The following GOT1 variants were observed in gnomAD, a reference collection of about 807,000 sequenced individuals.
GOT1 encodes the protein glutamic-oxaloacetic transaminase 1, also known as aspartate aminotransferase, cytoplasmic.
Under a neutral mutation model 48.2 loss-of-function variants are expected in GOT1, and 25 were observed. The ratio of observed to expected loss-of-function variants is 0.52; its 90% CI spans 0.38 to 0.72. The LOEUF (loss-of-function observed/expected upper bound fraction) is 0.72, where lower values mean the gene tolerates loss of function less well. GOT1 is among the 30% of genes least tolerant of loss of function. GOT1 has a pLI of 0.00. For synonymous variants in GOT1, 188 were observed against 193.8 expected, an observed-to-expected ratio of 0.97 and a Z score of 0.25; for missense variants, 380 against 520.1, an observed-to-expected ratio of 0.73 and a Z score of 2.62.
chr10:99,403,926 C>G (rs747552294), intron 5 of GOT1, 52 bp from the exon 6 acceptor site: 2 of 1,581,416 alleles, frequency 1.3e-6, no homozygotes, highest in Non-Finnish European at 1.7e-6. Context: ...GCACCAACCT[C>G]AGACACCGGC....
Position 99,403,589 on chromosome 10 carries a change from C to A in GOT1, c.839G>T (p.Ser280Ile). 6.2e-7 allele frequency: 1 copy of A among 1,614,112 alleles called. No individual in the cohort carries two copies. The highest frequency in any genetic ancestry group is 8.5e-7 in the Non-Finnish European group (1 of 1,179,994). Reference sequence around the variant, plus strand: ...CATCTGGGAAAGGACTTGCAGGATGCTCTCAGGTTCTTTTCCAACCACAGT... The same window carrying A: ...CATCTGGGAAAGGACTTGCAGGATGATCTCAGGTTCTTTTCCAACCACAGT... Reference protein sequence around the residue: ...NLTVVGKEPESILQVLSQMEK... With the variant: ...NLTVVGKEPEIILQVLSQMEK... The change falls in exon 7 of 9, where the codon AGC (serine) becomes ATC (isoleucine). Residue 280 changes from serine to isoleucine, a missense_variant. By Grantham distance (142) the Ser-to-Ile change is moderately radical (BLOSUM62 -2). Coordinates refer to ENST00000370508, the MANE Select transcript of GOT1 (RefSeq NM_002079.3).
intron 2 of GOT1, among the ~76,000 whole-genome samples, chr10:99,410,709 A>G (rs918690886): frequency 3.3e-5 from 5 of 152,242 alleles, no homozygotes; most frequent in African/African-American, 1.2e-4. Flanking sequence ...AATCAATAAT[A>G]TAGCAATGTG....
In GOT1 at chr10:99,397,506, A is replaced by G; in HGVS notation, c.*41T>C. On this transcript the variant is annotated 3_prime_UTR_variant, in exon 9 of 9. Coordinates refer to ENST00000370508, the MANE Select transcript of GOT1 (RefSeq NM_002079.3). This position sits in a 1 kb window ranked among gnomAD's most constrained non-coding sequence, Gnocchi z 5.4. ...TTTGTGCAGGCAGGGAACACACATG[A>G]CAGAGAACTACTTTGGTGGTACTGG... is the stretch of plus-strand genomic sequence containing the variant. The G allele has an allele frequency of 6.2e-7, 1 of 1,607,112 alleles. No homozygotes were observed. The highest frequency in any genetic ancestry group is 8.5e-7 in the Non-Finnish European group (1 of 1,174,772).
Position 99,411,622 on chromosome 10 carries a change from T to C in GOT1, c.301-4773A>G, listed in dbSNP as rs117823118. On this transcript the variant is annotated intron_variant, in intron 2 of 8. Transcript: ENST00000370508. ...TTTATAGCATTTATCATCTTTAGTA[T>C]ACTACATCATTTTCTTACTGATATA... Among the ~76,000 whole-genome samples, 582 of 152,338 alleles carry C rather than the reference T, an allele frequency of 3.8e-3. 2 individuals carry two copies. Among genetic ancestry groups the C allele is most frequent in the Non-Finnish European group, 6.3e-3 (429 of 68,024 alleles).
At chr10:99,409,767 A>G (rs2032807652) in intron 2 of GOT1, among the ~76,000 whole-genome samples, 1 of 152,220 alleles carries the variant, frequency 6.6e-6, no homozygotes, top group Admixed American at 6.5e-5. Flanking sequence ...AAAACAGGAA[A>G]CAGTGGATAC....
intron 2 of GOT1, among the ~76,000 whole-genome samples, chr10:99,417,983 TG>T (rs1381562598): frequency 1.3e-5 from 2 of 151,650 alleles, no homozygotes; most frequent in Non-Finnish European, 2.9e-5. Flanking sequence ...CACACCAACA[TG>T]GCACATGTAT....
At chr10:99,416,915 T>C (rs941551064) in intron 2 of GOT1, among the ~76,000 whole-genome samples, 1 of 152,002 alleles carries the variant, frequency 6.6e-6, no homozygotes. Flanking sequence ...TTACACCTTA[T>C]ACAAAAATTA....
At chr10:99,424,098 G>A (rs2033006447) in intron 1 of GOT1, among the ~76,000 whole-genome samples, 1 of 152,204 alleles carries the variant, frequency 6.6e-6, no homozygotes, top group South Asian at 2.1e-4. Flanking sequence ...CCAAGTAAGA[G>A]TTGTCCCTAA....
At position 99,397,229 on chromosome 10, in the gene GOT1, G is replaced by GCA. The variant is rs1417758320; in HGVS notation, c.*316_*317dup. ...GTACAGAGTCAAACACCACATAGAA[G>GCA]CACGTGGCCGCCACACACAACACTC... On this transcript the variant is annotated 3_prime_UTR_variant, in exon 9 of 9. Transcript: ENST00000370508. The surrounding 1 kb of genome is among the most constrained non-coding windows in gnomAD (Gnocchi z 5.4). 8 of 260,638 alleles carry GCA rather than the reference G, an allele frequency of 3.1e-5. No homozygotes were observed. Among genetic ancestry groups the GCA allele is most frequent in the Non-Finnish European group, 6.0e-5 (8 of 132,676 alleles). The allele number at this position is 260,638 out of a possible 1,614,324, so 16.1% of individuals were successfully genotyped here. A position where few individuals can be genotyped will look rare whatever the true frequency, so the allele number is the denominator to read the frequency against.
At chr10:99,427,557 CCA>C (rs1393053501) in intron 1 of GOT1, among the ~76,000 whole-genome samples, 15 of 152,354 alleles carry the variant, frequency 9.8e-5, no homozygotes, top group African/African-American at 3.6e-4. Flanking sequence ...GCGTGAGCCA[CCA>C]TGCCTGGCCC....
chr10:99,404,554 C>T (rs2032728786), intron 5 of GOT1, among the ~76,000 whole-genome samples: 1 of 152,098 alleles, frequency 6.6e-6, no homozygotes, highest in Admixed American at 6.5e-5. Flanking sequence ...TCTCACTGTC[C>T]CCACTGCTAC....
chr10:99,429,627 A>G (rs1418190712), intron 1 of GOT1, among the ~76,000 whole-genome samples: 1 of 152,208 alleles, frequency 6.6e-6, no homozygotes, highest in Non-Finnish European at 1.5e-5. Context: ...GAGAAGAATA[A>G]CAAATTCATC....
In GOT1 at chr10:99,415,679, C is replaced by T. The variant is rs190226112; in HGVS notation, c.300+4945G>A. On this transcript the variant is annotated intron_variant, in intron 2 of 8. Transcript: ENST00000370508. ...GACCAATATCCCTGATGAACATCGA[C>T]GCAAAAATCCTCAATAAAATGCTGG... Among the ~76,000 whole-genome samples the T allele has an allele frequency of 4.7e-3, 715 of 152,080 alleles. 3 individuals are homozygous for T. Among genetic ancestry groups the T allele is most frequent in the African/African-American group, 0.016 (680 of 41,482 alleles).
At chr10:99,429,421 G>A (rs2033085840) in intron 1 of GOT1, among the ~76,000 whole-genome samples, 1 of 150,784 alleles carries the variant, frequency 6.6e-6, no homozygotes, top group Admixed American at 6.6e-5. Context: ...GATTCTGAGC[G>A]TCCTTCATGT....
chr10:99,397,317 T>TA lies in GOT1; in HGVS notation c.*229dup. The TA allele has an allele frequency of 1.9e-6, 1 of 535,518 alleles. No individual in the cohort carries two copies. Among genetic ancestry groups the TA allele is most frequent in the Non-Finnish European group, 3.4e-6 (1 of 298,070 alleles). The allele number at this position is 535,518 out of a possible 1,614,324, so 33.2% of individuals were successfully genotyped here. On this transcript the variant is annotated 3_prime_UTR_variant, in exon 9 of 9. Transcript: ENST00000370508. This position sits in a 1 kb window ranked among gnomAD's most constrained non-coding sequence, Gnocchi z 5.4. ...ATCAAAGTACTCTTTTATTCTTAAA[T>TA]AAAAATCTTAATTTGCTTTGACCTC...
At position 99,397,927 on chromosome 10, in the gene GOT1, A is replaced by G. The variant is rs1287630149; in HGVS notation, c.1103-241T>C. ...TTCAATATGGCTACTACTGATGGGA[A>G]TTTTAATCTGAGATTGCCTTCCAAC... On this transcript the variant is annotated intron_variant, in intron 8 of 8. Transcript: ENST00000370508. The surrounding 1 kb of genome is among the most constrained non-coding windows in gnomAD (Gnocchi z 5.4). 1.3e-5 allele frequency among the ~76,000 whole-genome samples: 2 copies of G among 152,186 alleles called. No individual in the cohort carries two copies. Among genetic ancestry groups the G allele is most frequent in the Non-Finnish European group, 2.9e-5 (2 of 68,036 alleles).
At chr10:99,424,205 T>C (rs997745072) in intron 1 of GOT1, among the ~76,000 whole-genome samples, 1 of 152,230 alleles carries the variant, frequency 6.6e-6, no homozygotes, top group Admixed American at 6.5e-5. Flanking sequence ...TCTCATTATT[T>C]TGAATAGCCT....
chr10:99,426,438 G>A (rs965386778), intron 1 of GOT1, among the ~76,000 whole-genome samples: 2 of 152,160 alleles, frequency 1.3e-5, no homozygotes, highest in African/African-American at 4.8e-5. Context: ...AAGGCTAGGG[G>A]TACTCAGAAA....
chr10:99,424,177 T>C (rs2033007710), intron 1 of GOT1, among the ~76,000 whole-genome samples: 1 of 152,244 alleles, frequency 6.6e-6, no homozygotes, highest in Non-Finnish European at 1.5e-5. Flanking sequence ...TCTTTTGGAA[T>C]TGTTTCTAGA....
Sources: allele counts gnomAD v4.1 joint callset (sites outside exome capture counted in the v4.1 genomes callset), GRCh38; gene constraint gnomAD v4.1.1; non-coding constraint Gnocchi (gnomAD v3.1); transcripts MANE v1.5; gene names NCBI Gene and HGNC (gene_info 2026-07-23, HGNC 2026-07-21).